PCBD2: variants seen among roughly 807,000 people sequenced by gnomAD.
The protein encoded by PCBD2 is pterin-4-alpha-carbinolamine dehydratase 2.
In PCBD2, 12 loss-of-function variants were observed where a neutral mutation model predicts 16.4. The observed-to-expected ratio is 0.73, with a 90% CI of 0.47 to 1.19. PCBD2 has a LOEUF of 1.19. PCBD2 is among the 50% of genes most tolerant of loss of function. The pLI is 0.00. For synonymous variants in PCBD2, 58 were observed against 61.8 expected (o/e 0.94, Z 0.29); for missense variants, 138 against 156.8 (o/e 0.88, Z 0.64).
At chr5:134,957,651 C>T (rs1398890221) in intron 2 of PCBD2, among the ~76,000 whole-genome samples, 2 of 152,094 alleles carry the variant, frequency 1.3e-5, no homozygotes, top group Non-Finnish European at 2.9e-5. Context: ...TGAACAGCCC[C>T]TGCATTCCAC....
At chr5:134,914,324 G>C (rs971566615) in intron 2 of PCBD2, among the ~76,000 whole-genome samples, 1 of 152,182 alleles carries the variant, frequency 6.6e-6, no homozygotes, top group African/African-American at 2.4e-5. Context: ...ATAAGAGAAG[G>C]AGTGGAATAG....
At chr5:134,959,799 C>T (rs559893085) in intron 3 of PCBD2, among the ~76,000 whole-genome samples, 10 of 151,638 alleles carry the variant, frequency 6.6e-5, no homozygotes, top group South Asian at 2.1e-4. Flanking sequence ...TCTCTTTGCT[C>T]GTAATTTTGC....
At chr5:134,907,682 GCA>G (rs1430818404) in intron 1 of PCBD2, among the ~76,000 whole-genome samples, 3 of 151,186 alleles carry the variant, frequency 2.0e-5, no homozygotes, top group Admixed American at 6.6e-5. Context: ...GAGTGCAGTG[GCA>G]CGATCTCGGC....
intron 2 of PCBD2, among the ~76,000 whole-genome samples, chr5:134,918,350 CA>C (rs1458935818): frequency 2.0e-5 from 3 of 152,090 alleles, no homozygotes; most frequent in African/African-American, 4.8e-5. Flanking sequence ...ACTAAAAATA[CA>C]AAAATCAGCT....
chr5:134,926,778 C>G (rs79491689), intron 2 of PCBD2: 6 of 397,462 alleles, frequency 1.5e-5, no homozygotes, highest in South Asian at 1.3e-4. Context: ...AATGTGGTGG[C>G]TGAGCGAGCC....
chr5:134,922,970 C>T (rs190826130), intron 2 of PCBD2, among the ~76,000 whole-genome samples: 142 of 152,280 alleles, frequency 9.3e-4, no homozygotes, highest in African/African-American at 3.0e-3. Context: ...GCCACCTGCC[C>T]GGCCCTAGGA....
chr5:134,939,769 G>T (rs1238324143), intron 2 of PCBD2, among the ~76,000 whole-genome samples: 3 of 152,076 alleles, frequency 2.0e-5, no homozygotes, highest in African/African-American at 7.2e-5. Flanking sequence ...CTACCTTAAA[G>T]TTTTACTAGA....
chr5:134,909,667 G>A (rs1252522688), intron 1 of PCBD2, among the ~76,000 whole-genome samples: 1 of 152,214 alleles, frequency 6.6e-6, no homozygotes, highest in Non-Finnish European at 1.5e-5. Context: ...GGAGTTTGGA[G>A]CCTTGAATTT....
intron 2 of PCBD2, among the ~76,000 whole-genome samples, chr5:134,933,823 G>T (rs533511411): frequency 6.6e-6 from 1 of 152,290 alleles, no homozygotes; most frequent in Non-Finnish European, 1.5e-5. Flanking sequence ...CACCTAGATA[G>T]AATTGATCCA....
chr5:134,915,505 G>C (rs1750821902), intron 2 of PCBD2, among the ~76,000 whole-genome samples: 1 of 138,168 alleles, frequency 7.2e-6, no homozygotes, highest in Non-Finnish European at 1.5e-5. Context: ...GGAGTGCAGT[G>C]GTGTGGTCAT....
At chr5:134,922,066 C>G (rs76448526) in intron 2 of PCBD2, among the ~76,000 whole-genome samples, 2,432 of 152,336 alleles carry the variant, frequency 0.016, 71 homozygotes, top group African/African-American at 0.056. Context: ...TGAGAGGTCA[C>G]CTACTCATCC....
intron 2 of PCBD2, among the ~76,000 whole-genome samples, chr5:134,919,153 TAAAGTC>T (rs1750870381): frequency 6.6e-6 from 1 of 152,218 alleles, no homozygotes; most frequent in Admixed American, 6.5e-5. Context: ...AGTATTTTGT[TAAAGTC>T]AAGCAGCCAA....
At chr5:134,946,752 T>C (rs971778321) in intron 2 of PCBD2, among the ~76,000 whole-genome samples, 12 of 152,170 alleles carry the variant, frequency 7.9e-5, no homozygotes, top group African/African-American at 2.9e-4. Context: ...TAAAATATTT[T>C]TTGAGTCGCT....
chr5:134,915,429 G>A (rs1750820571), intron 2 of PCBD2, among the ~76,000 whole-genome samples: 1 of 150,362 alleles, frequency 6.7e-6, no homozygotes, highest in African/African-American at 2.4e-5. Context: ...AGCCTGATGG[G>A]CCTCTAATTT....
At chr5:134,939,929 A>AT (rs56030382) in intron 2 of PCBD2, among the ~76,000 whole-genome samples, 8,781 of 145,948 alleles carry the variant, frequency 0.06, 498 homozygotes, top group African/African-American at 0.16. Context: ...GTAATAAGAA[A>AT]TTTTTTTTTT....
intron 2 of PCBD2, chr5:134,925,662 TA>T: frequency 2.5e-6 from 1 of 397,412 alleles, no homozygotes; most frequent in East Asian, 3.6e-5. Flanking sequence ...TATTCTCTGC[TA>T]GGGGGTGGAA....
At chr5:134,948,087 T>C (rs1751319294) in intron 2 of PCBD2, among the ~76,000 whole-genome samples, 1 of 151,894 alleles carries the variant, frequency 6.6e-6, no homozygotes, top group African/African-American at 2.4e-5. Context: ...CTTGGGGTGG[T>C]TTTAAAACCA....
intron 2 of PCBD2, among the ~76,000 whole-genome samples, chr5:134,917,836 A>C (rs1750851779): frequency 6.6e-6 from 1 of 152,236 alleles, no homozygotes; most frequent in African/African-American, 2.4e-5. Context: ...TCCTGTGTCC[A>C]CAGAGACTCC....
Position 134,914,603 on chromosome 5 carries a change from G to A in PCBD2, c.216+4137G>A, listed in dbSNP as rs527439851. 1.1e-4 allele frequency among the ~76,000 whole-genome samples: 17 copies of A among 152,192 alleles called. No homozygotes were observed. The East Asian group carries it at 3.1e-3, about 28-fold the overall frequency. On this transcript the variant is annotated intron_variant, in intron 2 of 3. Coordinates refer to ENST00000254908, the MANE Select transcript of PCBD2 (RefSeq NM_032151.5). The stretch of plus-strand genomic sequence containing the variant: ...CAGAAACGCTGGCCCTTGGAGTCTC[G>A]GCAGGGTAGGGAAGTACAGTTGTGA...
Sources: allele counts gnomAD v4.1 joint callset (sites outside exome capture counted in the v4.1 genomes callset), GRCh38; gene constraint gnomAD v4.1.1; transcripts MANE v1.5; gene names NCBI Gene and HGNC (gene_info 2026-07-23, HGNC 2026-07-21).